AGBL4: variants seen among roughly 807,000 people sequenced by gnomAD.
AGBL4 encodes cytosolic carboxypeptidase 6.
Under a neutral mutation model 66.4 loss-of-function variants are expected in AGBL4, and 58 were observed. That is an observed-to-expected ratio of 0.87 (90% CI 0.71 to 1.09). The LOEUF (loss-of-function observed/expected upper bound fraction) is 1.09, where lower values mean the gene tolerates loss of function less well. AGBL4 is among the 50% of genes least tolerant of loss of function. The pLI is 0.00. For synonymous variants in AGBL4, 234 were observed against 222.9 expected (o/e 1.05, Z -0.44); for missense variants, 579 against 631.0 (o/e 0.92, Z 0.88).
intron 7 of AGBL4, among the ~76,000 whole-genome samples, chr1:48,662,263 T>A (rs1447081842): frequency 5.3e-5 from 8 of 152,216 alleles, no homozygotes. Flanking sequence ...CTGTTTATAT[T>A]CATCTCATGC....
At chr1:48,608,376 A>G (rs189503915) in intron 9 of AGBL4, among the ~76,000 whole-genome samples, 5 of 152,320 alleles carry the variant, frequency 3.3e-5, no homozygotes, top group East Asian at 1.9e-4. Context: ...TCTTTTCACA[A>G]CTTATTTTTC....
Position 49,390,385 on chromosome 1 carries a change from C to A in AGBL4, c.283-144521G>T, listed in dbSNP as rs545424127. Among the ~76,000 whole-genome samples, 39 of 152,312 alleles carry A rather than the reference C, an allele frequency of 2.6e-4. 1 individual carries two copies. The highest frequency in any genetic ancestry group is 8.7e-4 in the African/African-American group (36 of 41,582). On this transcript the variant is annotated intron_variant, in intron 3 of 13. Transcript: ENST00000371839. The stretch of plus-strand genomic sequence containing the variant: ...ATCAATGATAGGAAAAACTGCATTT[C>A]ATTTGCAATATATCCTAAGAACAAT...
chr1:49,073,250 G>T (rs1451654959), intron 4 of AGBL4, among the ~76,000 whole-genome samples: 1 of 152,058 alleles, frequency 6.6e-6, no homozygotes, highest in Non-Finnish European at 1.5e-5. Flanking sequence ...ACTTCTATGA[G>T]TTTGTCAAAC....
At chr1:49,555,245 G>A (rs1222745675) in intron 3 of AGBL4, among the ~76,000 whole-genome samples, 2 of 151,558 alleles carry the variant, frequency 1.3e-5, no homozygotes, top group Non-Finnish European at 2.9e-5. Flanking sequence ...GCTGATTGGT[G>A]CATTGACAAT....
chr1:48,528,255 G>A (rs1643890256), downstream of AGBL4, among the ~76,000 whole-genome samples: 1 of 152,152 alleles, frequency 6.6e-6, no homozygotes. Context: ...ATGGGACGTG[G>A]TGGTTGGTCA....
intron 3 of AGBL4, among the ~76,000 whole-genome samples, chr1:49,362,449 CAAAAAAA>C (rs145467066): frequency 1.2e-5 from 1 of 80,914 alleles, no homozygotes; most frequent in Non-Finnish European, 2.3e-5. Flanking sequence ...GACCCTGTCT[CAAAAAAA>C]AAAAAAAAAA....
downstream of AGBL4, among the ~76,000 whole-genome samples, chr1:48,531,995 G>A (rs1569640458): frequency 6.6e-6 from 1 of 152,082 alleles, no homozygotes; most frequent in African/African-American, 2.4e-5. Context: ...TGTTGGCCAG[G>A]CTGGTCTCGA....
intron 3 of AGBL4, among the ~76,000 whole-genome samples, chr1:49,414,508 T>C (rs2148631816): frequency 6.6e-6 from 1 of 152,234 alleles, no homozygotes; most frequent in East Asian, 1.9e-4. Context: ...GACACCGGTT[T>C]TGAGAGAATT....
chr1:49,389,235 C>T lies in AGBL4; in HGVS notation c.283-143371G>A, dbSNP rs1644798912. Among the ~76,000 whole-genome samples, 3 of 151,864 alleles carry T rather than the reference C, an allele frequency of 2.0e-5. No individual in the cohort carries two copies. The South Asian group carries it at 6.3e-4, about 32-fold the overall frequency. On this transcript the variant is annotated intron_variant, in intron 3 of 13. Coordinates refer to ENST00000371839, the MANE Select transcript of AGBL4 (RefSeq NM_032785.4). ...TGCTAGCCTGAAGGGAGATCATCTG[C>T]CATCAATTTTTTTTTTATGTGTAAA...
intron 5 of AGBL4, among the ~76,000 whole-genome samples, chr1:48,938,341 C>T (rs1442003222): frequency 1.3e-5 from 2 of 152,030 alleles, no homozygotes; most frequent in Non-Finnish European, 2.9e-5. Flanking sequence ...CCTGCCATCA[C>T]GGAGTTATAC....
chr1:48,667,136 T>A (rs1646201426), intron 6 of AGBL4, among the ~76,000 whole-genome samples: 1 of 152,248 alleles, frequency 6.6e-6, no homozygotes, highest in Non-Finnish European at 1.5e-5. Flanking sequence ...TCTTTGTTCA[T>A]TTCCGCCTTT....
intron 6 of AGBL4, among the ~76,000 whole-genome samples, chr1:48,737,199 G>A (rs1384109206): frequency 3.3e-5 from 5 of 152,136 alleles, no homozygotes; most frequent in African/African-American, 7.2e-5. Context: ...CAAGAGAATC[G>A]CTTGAACCTG....
the AGBL4 span, among the ~76,000 whole-genome samples, chr1:48,526,941 C>G: frequency 6.6e-6 from 1 of 152,068 alleles, no homozygotes; most frequent in Non-Finnish European, 1.5e-5. Context: ...CATCCAGGAC[C>G]GCTGACTCTA....
intron 1 of AGBL4, among the ~76,000 whole-genome samples, chr1:50,002,435 T>C (rs1314369781): frequency 1.4e-5 from 2 of 143,058 alleles, no homozygotes; most frequent in East Asian, 2.0e-4. Context: ...AGTGGCGCGA[T>C]CTCGGCTCAC....
intron 4 of AGBL4, among the ~76,000 whole-genome samples, chr1:49,194,775 C>T (rs1247486959): frequency 1.3e-5 from 2 of 151,224 alleles, no homozygotes; most frequent in Admixed American, 1.3e-4. Context: ...AAAGTCTTGG[C>T]AGGCTGTGTA....
intron 6 of AGBL4, chr1:48,727,853 G>A: frequency 6.3e-7 from 1 of 1,579,280 alleles, no homozygotes; most frequent in South Asian, 1.1e-5. Flanking sequence ...GCCACACAAG[G>A]AAAACACGAA....
chr1:49,102,017 G>C (rs1273947625), intron 4 of AGBL4, among the ~76,000 whole-genome samples: 1 of 151,384 alleles, frequency 6.6e-6, no homozygotes, highest in Non-Finnish European at 1.5e-5. Flanking sequence ...GATCAACTGA[G>C]AGAGGGAGAG....
intron 5 of AGBL4, among the ~76,000 whole-genome samples, chr1:48,877,601 A>T (rs1245193602): frequency 1.3e-5 from 2 of 152,192 alleles, no homozygotes; most frequent in Non-Finnish European, 2.9e-5. Context: ...AATTAAAGAC[A>T]TGGAGAAAAA....
chr1:49,746,139 T>C (rs1332762380), intron 2 of AGBL4, among the ~76,000 whole-genome samples: 1 of 151,966 alleles, frequency 6.6e-6, no homozygotes, highest in Non-Finnish European at 1.5e-5. Context: ...GCGTCTCTGC[T>C]TGTATGCCAT....
Sources: gnomAD v4.1 joint callset for allele counts (sites outside exome capture counted in the v4.1 genomes callset) on GRCh38, gnomAD v4.1.1 for gene constraint, MANE v1.5 for transcripts, NCBI Gene and HGNC (gene_info 2026-07-23, HGNC 2026-07-21) for gene names.